The following GALNT13 variants were observed in gnomAD, a reference collection of about 807,000 sequenced individuals.
The protein encoded by GALNT13 is UDP-GalNAc:polypeptide N-acetylgalactosaminyltransferase 13.
A neutral mutation model predicts 64.2 loss-of-function variants in GALNT13; 28 were observed. That is an observed-to-expected ratio of 0.44 (90% CI 0.32 to 0.60). The LOEUF is 0.60. Ranked by LOEUF, GALNT13 falls within the 20% of genes least tolerant of loss-of-function variation. GALNT13 has a pLI of 0.05. For missense variants in GALNT13, 577 were observed against 669.8 expected (o/e 0.86, Z 1.53); for synonymous variants, 214 against 224.6 (o/e 0.95, Z 0.42).
the GALNT13 span, among the ~76,000 whole-genome samples, chr2:153,716,782 C>G: frequency 6.6e-6 from 1 of 152,126 alleles, no homozygotes; most frequent in Non-Finnish European, 1.5e-5. Flanking sequence ...GGTAAAACTA[C>G]TCTTAATCCC....
chr2:154,414,442 A>C (rs1258710515), intron 11 of GALNT13, among the ~76,000 whole-genome samples: 1 of 151,768 alleles, frequency 6.6e-6, no homozygotes, highest in African/African-American at 2.4e-5. Context: ...TAGTCACTGT[A>C]TTTGCATTGA....
the GALNT13 span, among the ~76,000 whole-genome samples, chr2:153,813,759 T>A: frequency 2.0e-5 from 3 of 152,372 alleles, no homozygotes; most frequent in African/African-American, 7.2e-5. Context: ...CAGAAATCTA[T>A]TGATATAGCA....
chr2:154,132,705 G>A (rs1682688288), intron 3 of GALNT13, among the ~76,000 whole-genome samples: 1 of 151,664 alleles, frequency 6.6e-6, no homozygotes, highest in African/African-American at 2.4e-5. Context: ...GGCCAACTTG[G>A]TGAAACATGA....
chr2:153,409,877 T>C, the GALNT13 span, among the ~76,000 whole-genome samples: 8 of 152,260 alleles, frequency 5.3e-5, no homozygotes, highest in East Asian at 1.9e-4. Context: ...GATGTGAAGG[T>C]CATACAATGT....
the GALNT13 span, among the ~76,000 whole-genome samples, chr2:153,842,704 G>A: frequency 7.0e-6 from 1 of 143,846 alleles, no homozygotes; most frequent in African/African-American, 2.6e-5. Context: ...GCTGACAATG[G>A]GGCAAATTAC....
At chr2:154,294,789 T>C (rs374766398) in intron 8 of GALNT13, among the ~76,000 whole-genome samples, 50 of 152,314 alleles carry the variant, frequency 3.3e-4, no homozygotes, top group African/African-American at 1.2e-3. Context: ...GCAGGGCACT[T>C]AGCAAGGTCT....
At chr2:154,305,306 G>GTTCA (rs1326889579) in intron 9 of GALNT13, among the ~76,000 whole-genome samples, 1 of 151,802 alleles carries the variant, frequency 6.6e-6, no homozygotes, top group Non-Finnish European at 1.5e-5. Flanking sequence ...TGGTGTGTGT[G>GTTCA]TTCAGGAAGG....
chr2:153,737,039 A>G, the GALNT13 span, among the ~76,000 whole-genome samples: 3 of 152,144 alleles, frequency 2.0e-5, no homozygotes, highest in Non-Finnish European at 4.4e-5. Flanking sequence ...ATGTTGTTCT[A>G]TCATCGGGCT....
At chr2:154,024,228 C>T (rs1202856873) in intron 3 of GALNT13, among the ~76,000 whole-genome samples, 1 of 151,896 alleles carries the variant, frequency 6.6e-6, no homozygotes, top group African/African-American at 2.4e-5. Flanking sequence ...TTTCCTGAAT[C>T]TGAATGTTGG....
chr2:153,364,029 A>T, the GALNT13 span, among the ~76,000 whole-genome samples: 22,448 of 151,982 alleles, frequency 0.15, 1,698 homozygotes, highest in Non-Finnish European at 0.17. Flanking sequence ...ACATCAAAAA[A>T]TTTACTCATG....
In GALNT13 at chr2:154,422,214, C is replaced by T. The variant is rs10173089; in HGVS notation, c.1395+13132C>T. 8.2e-3 allele frequency among the ~76,000 whole-genome samples: 1,255 copies of T among 152,210 alleles called. 19 individuals carry two copies. The highest frequency in any genetic ancestry group is 0.028 in the African/African-American group (1,177 of 41,542). On this transcript the variant is annotated intron_variant, in intron 11 of 12. Coordinates refer to ENST00000392825, the MANE Select transcript of GALNT13 (RefSeq NM_052917.4). ...CAGACTACAAAGGTTGTCAAAGGATCGTGTGTAATAAGCATCATGAAAATA... is the reference window on the plus strand; with the variant it reads ...CAGACTACAAAGGTTGTCAAAGGATTGTGTGTAATAAGCATCATGAAAATA...
At chr2:153,937,925 A>C (rs1333827940) in intron 2 of GALNT13, among the ~76,000 whole-genome samples, 4 of 152,222 alleles carry the variant, frequency 2.6e-5, no homozygotes, top group Non-Finnish European at 4.4e-5. Context: ...AAGCCTGTGA[A>C]GTTTAAGAGA....
At chr2:153,456,828 T>A in the GALNT13 span, among the ~76,000 whole-genome samples, 18 of 152,186 alleles carry the variant, frequency 1.2e-4, no homozygotes, top group African/African-American at 4.3e-4. Context: ...GGTTGTTAAC[T>A]ATGAGTGTTA....
chr2:154,032,752 G>A (rs565335873), intron 3 of GALNT13, among the ~76,000 whole-genome samples: 11 of 150,768 alleles, frequency 7.3e-5, no homozygotes, highest in South Asian at 6.2e-4. Context: ...AAGATAATTC[G>A]TTAACCTTAA....
chr2:154,288,826 CT>C (rs903454327), intron 8 of GALNT13, among the ~76,000 whole-genome samples: 1 of 152,234 alleles, frequency 6.6e-6, no homozygotes, highest in Non-Finnish European at 1.5e-5. Flanking sequence ...CTTTCACAGG[CT>C]GGCACGGAGT....
chr2:153,254,983 G>A, the GALNT13 span, among the ~76,000 whole-genome samples: 3 of 151,860 alleles, frequency 2.0e-5, no homozygotes, highest in African/African-American at 7.3e-5. Context: ...TGTCTATTAG[G>A]TCCACTTGGT....
chr2:154,375,056 G>A (rs1278955011), intron 9 of GALNT13, among the ~76,000 whole-genome samples: 2 of 152,058 alleles, frequency 1.3e-5, no homozygotes, highest in African/African-American at 4.8e-5. Context: ...GCGCAATCTC[G>A]GCTCACTGCA....
At chr2:154,374,694 T>G (rs1299348811) in intron 9 of GALNT13, among the ~76,000 whole-genome samples, 1 of 152,204 alleles carries the variant, frequency 6.6e-6, no homozygotes, top group African/African-American at 2.4e-5. Flanking sequence ...ACTGCCCCTT[T>G]TGCAGTCAAA....
At chr2:153,261,637 A>G in the GALNT13 span, among the ~76,000 whole-genome samples, 1 of 152,180 alleles carries the variant, frequency 6.6e-6, no homozygotes, top group African/African-American at 2.4e-5. Context: ...ATCTGAAGCC[A>G]GCGTACCACT....
Sources: allele counts gnomAD v4.1 joint callset (sites outside exome capture counted in the v4.1 genomes callset), GRCh38; gene constraint gnomAD v4.1.1; transcripts MANE v1.5; gene names NCBI Gene and HGNC (gene_info 2026-07-23, HGNC 2026-07-21).